Variants in JADE3 observed in about 807,000 individuals in gnomAD.
JADE3 encodes the protein protein Jade-3.
Under a neutral mutation model 50.1 loss-of-function variants are expected in JADE3, and 2 were observed. The ratio of observed to expected loss-of-function variants is 0.04; its 90% CI spans 0.02 to 0.13. JADE3 has a LOEUF of 0.13. Among genes scored for constraint, JADE3 ranks in the 10% least tolerant of loss-of-function variants. JADE3 has a pLI of 1.00. For missense variants in JADE3, 475 were observed against 634.4 expected, an observed-to-expected ratio of 0.75 and a Z score of 2.70; for synonymous variants, 218 against 232.9, an observed-to-expected ratio of 0.94 and a Z score of 0.58.
At chrX:46,924,567 A>G (rs782397919) in intron 1 of JADE3, among the ~76,000 whole-genome samples, 6 of 112,025 alleles carry the variant, frequency 5.4e-5, no homozygotes, top group African/African-American at 1.9e-4. Flanking sequence ...AATCTATATA[A>G]ATGTCTAATG....
intron 4 of JADE3, 126 bp downstream of exon 4, chrX:46,998,403 T>C: frequency 1.7e-6 from 1 of 579,384 alleles, no homozygotes; most frequent in Non-Finnish European, 2.7e-6. Context: ...TTTTCACCAA[T>C]TCACTCAGAC....
At chrX:46,954,648 G>C (rs978937604) in intron 1 of JADE3, among the ~76,000 whole-genome samples, 1 of 111,051 alleles carries the variant, frequency 9.0e-6, no homozygotes, top group Non-Finnish European at 1.9e-5. Flanking sequence ...TCTGCCTCCC[G>C]GGTTCAAGCT....
At chrX:46,924,173 C>G (rs930009407) in intron 1 of JADE3, among the ~76,000 whole-genome samples, 9 of 111,682 alleles carry the variant, frequency 8.1e-5, no homozygotes, top group Non-Finnish European at 1.1e-4. Context: ...TAGCCAGCAC[C>G]ATGGTGGGCG....
chrX:46,935,210 A>T (rs979073942), intron 1 of JADE3, among the ~76,000 whole-genome samples: 18 of 112,279 alleles, frequency 1.6e-4, no homozygotes, highest in South Asian at 1.1e-3. Flanking sequence ...CTGGGATTAC[A>T]GACATGAGCC....
At chrX:46,975,892 G>A (rs920611368) in intron 1 of JADE3, among the ~76,000 whole-genome samples, 1 of 107,205 alleles carries the variant, frequency 9.3e-6, no homozygotes, top group African/African-American at 3.4e-5. Context: ...GCTAATTTTT[G>A]TATTTTTAGT....
Position 47,024,965 on chromosome X carries a change from T to TA in JADE3, c.475+53dup, listed in dbSNP as rs1928877960. ...TGTGACTTAATTCATGTTTTTTTTT[T>TA]AAGTTATCAGAACCCTTTAGCTTGT... is the stretch of plus-strand genomic sequence containing the variant. On this transcript the variant is annotated intron_variant, in intron 5 of 10. Transcript: ENST00000614628. 4 of 717,366 alleles carry TA rather than the reference T, an allele frequency of 5.6e-6. No homozygotes were observed. In the East Asian group the frequency reaches 1.4e-4, roughly 25 times the overall value. 59.1% of individuals were successfully genotyped at this position (717,366 alleles called of 1,213,427 possible). A position where few individuals can be genotyped will look rare whatever the true frequency, so the allele number is the denominator to read the frequency against.
chrX:46,913,705 G>A (rs1926020160), intron 1 of JADE3, among the ~76,000 whole-genome samples: 1 of 110,605 alleles, frequency 9.0e-6, no homozygotes, highest in Admixed American at 9.6e-5. Flanking sequence ...TTATTTGTGA[G>A]GAGGGGGTGG....
chrX:46,928,026 C>T, intron 1 of JADE3, among the ~76,000 whole-genome samples: 1 of 112,063 alleles, frequency 8.9e-6, no homozygotes, highest in East Asian at 2.8e-4. Flanking sequence ...ATGGTACAGT[C>T]CATCAACTGT....
intron 4 of JADE3, among the ~76,000 whole-genome samples, chrX:47,024,221 C>T (rs1602412766): frequency 8.9e-6 from 1 of 112,184 alleles, no homozygotes; most frequent in African/African-American, 3.2e-5. Flanking sequence ...TGGTGGCTCA[C>T]GCCAGTAATC....
chrX:46,979,873 ATTTTTTTTTTT>A lies in JADE3; in HGVS notation c.-11-4995_-11-4985del, dbSNP rs56397998. ...TTCCTCTTTGGTAAAATGTCTGCTG[ATTTTTTTTTTT>A]TTTTTTTTTTTTTTTGAGACAGAGT... On this transcript the variant is annotated intron_variant, in intron 1 of 10. Coordinates refer to ENST00000614628, the MANE Select transcript of JADE3 (RefSeq NM_014735.5). Among the ~76,000 whole-genome samples, 3 of 63,148 alleles carry A rather than the reference ATTTTTTTTTTT, an allele frequency of 4.8e-5. 1 individual carries two copies. The highest frequency in any genetic ancestry group is 1.8e-4 in the Admixed American group (1 of 5,443). 54.8% of individuals were successfully genotyped at this position (63,148 alleles called of 115,157 possible).
intron 8 of JADE3, among the ~76,000 whole-genome samples, chrX:47,042,586 T>C (rs1929286062): frequency 8.9e-6 from 1 of 112,036 alleles, no homozygotes; most frequent in African/African-American, 3.2e-5. Flanking sequence ...ATTTTGATTA[T>C]AAGGAATTTC....
chrX:46,976,851 A>G (rs782764307), intron 1 of JADE3, among the ~76,000 whole-genome samples: 4 of 111,043 alleles, frequency 3.6e-5, no homozygotes, highest in East Asian at 5.6e-4. Context: ...TTTCCCTTCT[A>G]GTTCTTAAAT....
intron 3 of JADE3, among the ~76,000 whole-genome samples, chrX:46,992,190 C>G (rs1384330169): frequency 9.0e-6 from 1 of 111,008 alleles, no homozygotes; most frequent in East Asian, 2.8e-4. Context: ...GATACCCTTC[C>G]CCTGCAGATG....
intron 1 of JADE3, among the ~76,000 whole-genome samples, chrX:46,923,393 C>CTCTCTTTATTTTT (rs1556338199): frequency 8.7e-5 from 1 of 11,525 alleles, no homozygotes; most frequent in East Asian, 3.6e-3. Context: ...CTCTCTCTCT[C>CTCTCTTTATTTTT]TTTTTTTTTT....
chrX:46,962,534 G>C (rs1927283860), intron 1 of JADE3, among the ~76,000 whole-genome samples: 2 of 111,014 alleles, frequency 1.8e-5, no homozygotes, highest in Non-Finnish European at 1.9e-5. Context: ...AGTCTGGTAA[G>C]TGGAATACAA....
intron 1 of JADE3, among the ~76,000 whole-genome samples, chrX:46,939,963 C>T (rs1276054611): frequency 1.8e-5 from 2 of 112,297 alleles, no homozygotes; most frequent in African/African-American, 3.2e-5. Context: ...GGAACCCAAC[C>T]ACATCAGTTT....
At chrX:46,917,826 TCTCTCATC>T (rs1926125291) in intron 1 of JADE3, among the ~76,000 whole-genome samples, 2 of 63,986 alleles carry the variant, frequency 3.1e-5, no homozygotes, top group South Asian at 1.3e-3. Flanking sequence ...TCTCTCACTC[TCTCTCATC>T]CTCTCTCTCT....
intron 1 of JADE3, among the ~76,000 whole-genome samples, chrX:46,976,264 C>T (rs782753671): frequency 9.0e-6 from 1 of 111,394 alleles, no homozygotes; most frequent in Non-Finnish European, 1.9e-5. Flanking sequence ...CATGTTCTTC[C>T]GTGGGAATAT....
intron 1 of JADE3, among the ~76,000 whole-genome samples, chrX:46,958,198 G>A (rs1445891644): frequency 2.7e-5 from 3 of 111,521 alleles, no homozygotes; most frequent in African/African-American, 9.9e-5. Context: ...AATTCAGCCC[G>A]AGTTTAGTAG....
Sources: allele counts gnomAD v4.1 joint callset (sites outside exome capture counted in the v4.1 genomes callset), GRCh38; gene constraint gnomAD v4.1.1; transcripts MANE v1.5; gene names NCBI Gene and HGNC (gene_info 2026-07-23, HGNC 2026-07-21).